PTPRD: variants seen among roughly 807,000 people sequenced by gnomAD.
The protein encoded by PTPRD is receptor-type tyrosine-protein phosphatase delta.
Under a neutral mutation model 214.5 loss-of-function variants are expected in PTPRD, and 34 were observed. That is an observed-to-expected ratio of 0.16 (90% confidence interval 0.12 to 0.21). The LOEUF is 0.21. Ranked by LOEUF, PTPRD falls within the 10% of genes least tolerant of loss-of-function variation. PTPRD has a pLI of 1.00. For synonymous variants in PTPRD, 1,128 were observed against 845.7 expected, an observed-to-expected ratio of 1.33 and a Z score of -5.79; for missense variants, 2,545 against 2,398.7, an observed-to-expected ratio of 1.06 and a Z score of -1.27.
chr9:10,410,393 G>A lies in PTPRD; in HGVS notation c.-599-69376C>T, dbSNP rs147782114. 9.3e-5 allele frequency among the ~76,000 whole-genome samples: 14 copies of A among 150,480 alleles called. No homozygotes were observed. In the East Asian group the frequency reaches 2.2e-3, roughly 23 times the overall value. On this transcript the variant is annotated intron_variant, in intron 2 of 45. Coordinates refer to ENST00000381196, the MANE Select transcript of PTPRD (RefSeq NM_002839.4). The stretch of plus-strand genomic sequence containing the variant: ...GTCTTCAACCCAAACAATCCTCAAA[G>A]GGCAGAGGTTTCATAATATGACTCT...
intron 3 of PTPRD, among the ~76,000 whole-genome samples, chr9:10,316,993 T>C (rs2154424254): frequency 6.6e-6 from 1 of 152,096 alleles, no homozygotes; most frequent in South Asian, 2.1e-4. Context: ...AAAACATGCA[T>C]GCATTCACAA....
intron 2 of PTPRD, among the ~76,000 whole-genome samples, chr9:10,476,891 T>C (rs1330676456): frequency 6.6e-6 from 1 of 152,138 alleles, no homozygotes; most frequent in Non-Finnish European, 1.5e-5. Flanking sequence ...AGGTAAAGAA[T>C]TCCTTATTTA....
intron 2 of PTPRD, among the ~76,000 whole-genome samples, chr9:10,512,763 G>C (rs534526673): frequency 1.3e-5 from 2 of 152,166 alleles, no homozygotes; most frequent in South Asian, 4.1e-4. Flanking sequence ...CACACAAAAG[G>C]TTTGATAAGC....
chr9:10,548,572 G>A (rs1039999034), intron 2 of PTPRD, among the ~76,000 whole-genome samples: 9 of 152,124 alleles, frequency 5.9e-5, no homozygotes, highest in Non-Finnish European at 8.8e-5. Context: ...GAGTCTCAGC[G>A]TAAGCACTGA....
At chr9:9,807,351 C>T (rs1380885115) in intron 5 of PTPRD, among the ~76,000 whole-genome samples, 1 of 152,102 alleles carries the variant, frequency 6.6e-6, no homozygotes, top group Non-Finnish European at 1.5e-5. Flanking sequence ...ACTTCACATA[C>T]TTATGTGAAG....
At chr9:9,984,917 T>C (rs2095659024) in intron 4 of PTPRD, among the ~76,000 whole-genome samples, 1 of 151,878 alleles carries the variant, frequency 6.6e-6, no homozygotes, top group Non-Finnish European at 1.5e-5. Context: ...CAAAGGGGAG[T>C]GCCTTCTTCC....
chr9:8,788,741 A>G (rs1423748428), intron 11 of PTPRD, among the ~76,000 whole-genome samples: 2 of 152,218 alleles, frequency 1.3e-5, no homozygotes, highest in African/African-American at 4.8e-5. Context: ...ATCAGGAAAA[A>G]TAGCCCAAGT....
At chr9:8,967,784 G>C (rs1233302540) in intron 11 of PTPRD, among the ~76,000 whole-genome samples, 1 of 151,906 alleles carries the variant, frequency 6.6e-6, no homozygotes, top group Non-Finnish European at 1.5e-5. Flanking sequence ...TAAAGTTTTA[G>C]GGTACAAGTG....
chr9:8,401,623 A>G (rs970488776), intron 36 of PTPRD, among the ~76,000 whole-genome samples: 4 of 152,164 alleles, frequency 2.6e-5, no homozygotes, highest in African/African-American at 4.8e-5. Context: ...AAAGTTCAAT[A>G]AGCACATTAC....
At chr9:8,611,380 T>C (rs998911042) in intron 14 of PTPRD, among the ~76,000 whole-genome samples, 1 of 151,668 alleles carries the variant, frequency 6.6e-6, no homozygotes, top group Non-Finnish European at 1.5e-5. Context: ...AACCAGAACA[T>C]GGGGTAAAGG....
intron 9 of PTPRD, among the ~76,000 whole-genome samples, chr9:9,355,274 T>C (rs1296615573): frequency 2.0e-5 from 3 of 151,604 alleles, no homozygotes; most frequent in Non-Finnish European, 2.9e-5. Context: ...CTGTAAAAGA[T>C]GAGAATGAAT....
intron 2 of PTPRD, among the ~76,000 whole-genome samples, chr9:10,537,402 A>C (rs992371206): frequency 6.6e-6 from 1 of 152,056 alleles, no homozygotes; most frequent in Non-Finnish European, 1.5e-5. Context: ...GCTGCTGTTA[A>C]TTTGTGTTGT....
intron 3 of PTPRD, among the ~76,000 whole-genome samples, chr9:10,086,896 T>G (rs939764223): frequency 6.6e-6 from 1 of 151,806 alleles, no homozygotes; most frequent in African/African-American, 2.4e-5. Flanking sequence ...TCTATACAAT[T>G]TAATGAATTA....
chr9:8,485,574 C>A, intron 28 of PTPRD, 188 bp downstream of exon 28: 1 of 650,552 alleles, frequency 1.5e-6, no homozygotes. Flanking sequence ...GTCAGCCAGA[C>A]TTGCTTGACA....
rs575657635 is a variant in PTPRD at position 10,362,834 on chromosome 9, C to T, written c.-599-21817G>A. ...GGTGGAGGTGGCAGTGAGCCGACAT[C>T]GTGCCACTGCACTCCAGCTTGGGCG... is the stretch of plus-strand genomic sequence containing the variant. On this transcript the variant is annotated intron_variant, in intron 2 of 45. Transcript: ENST00000381196. Among the ~76,000 whole-genome samples, 10 of 152,244 alleles carry T rather than the reference C, an allele frequency of 6.6e-5. No homozygotes were observed. In the South Asian group the frequency reaches 8.3e-4, roughly 13 times the overall value.
chr9:8,390,794 A>G (rs1024483765), intron 36 of PTPRD, among the ~76,000 whole-genome samples: 5 of 152,164 alleles, frequency 3.3e-5, no homozygotes, highest in African/African-American at 1.2e-4. Flanking sequence ...ACTCCATAAG[A>G]GAAAGAATGC....
At chr9:9,266,062 C>G (rs909446087) in intron 9 of PTPRD, among the ~76,000 whole-genome samples, 5 of 150,838 alleles carry the variant, frequency 3.3e-5, no homozygotes, top group African/African-American at 9.7e-5. Context: ...AAATAAAATC[C>G]AAAAAGAAAG....
intron 14 of PTPRD, among the ~76,000 whole-genome samples, chr9:8,630,783 C>G (rs1481855197): frequency 6.6e-6 from 1 of 151,834 alleles, no homozygotes; most frequent in African/African-American, 2.4e-5. Context: ...CTCCAGCCAA[C>G]TGAGAGACAG....
Position 8,721,580 on chromosome 9 carries a change from G to A in PTPRD, c.64+12200C>T, listed in dbSNP as rs1036701302. The stretch of plus-strand genomic sequence containing the variant: ...AACAAAATTAATATACCATAAAATA[G>A]TTTATAATAATGGCTAATGTTTATT... On this transcript the variant is annotated intron_variant, in intron 12 of 45. Transcript: ENST00000381196. Among the ~76,000 whole-genome samples the A allele has an allele frequency of 2.6e-5, 4 of 152,008 alleles. No individual in the cohort carries two copies. The South Asian group carries it at 8.3e-4, about 32-fold the overall frequency.
Sources: gnomAD v4.1 joint callset for allele counts (sites outside exome capture counted in the v4.1 genomes callset) on GRCh38, gnomAD v4.1.1 for gene constraint, MANE v1.5 for transcripts, NCBI Gene and HGNC (gene_info 2026-07-23, HGNC 2026-07-21) for gene names.